ATG7: variants seen among roughly 807,000 people sequenced by gnomAD.
ATG7 encodes ubiquitin-like modifier-activating enzyme ATG7.
ATG7 carries 70 observed loss-of-function variants against 82.4 expected under a neutral mutation model. The observed-to-expected ratio is 0.85, with a 90% confidence interval of 0.70 to 1.04. ATG7 has a LOEUF of 1.04. ATG7 is among the 50% of genes least tolerant of loss of function. The probability of loss-of-function intolerance (pLI) is 0.00; values close to 1 mark genes in which losing one functional copy is unlikely to be tolerated. For synonymous variants in ATG7, 287 were observed against 313.0 expected (o/e 0.92, Z 0.88); for missense variants, 792 against 864.3 (o/e 0.92, Z 1.05).
intron 11 of ATG7, among the ~76,000 whole-genome samples, chr3:11,340,072 G>A (rs542881087): frequency 6.6e-6 from 1 of 152,294 alleles, no homozygotes; most frequent in Non-Finnish European, 1.5e-5. Context: ...TGCGGGGAAG[G>A]GAGAAGTCAG....
intron 19 of ATG7, among the ~76,000 whole-genome samples, chr3:11,384,062 G>A (rs1233866665): frequency 6.6e-6 from 1 of 152,190 alleles, no homozygotes; most frequent in Admixed American, 6.5e-5. Context: ...GAAGTATGTT[G>A]TATATTATGA....
rs1953763064 is a variant in ATG7, at chr3:11,342,259, A to G, written c.1105A>G (p.Asn369Asp). Residue 369 changes from asparagine to aspartate, a missense_variant, in exon 13 of 21, where the codon AAT (asparagine) becomes GAT (aspartate). Transcript: ENST00000693202. ...GCTTGGAGCCGGCACCTTGGGTTGCAATGTAGCTAGGACGTTGATGGTAAG... is the reference window on the plus strand; with the variant it reads ...GCTTGGAGCCGGCACCTTGGGTTGCGATGTAGCTAGGACGTTGATGGTAAG... ...LLLGAGTLGCNVARTLMGWGV... is the reference protein window; with the variant it reads ...LLLGAGTLGCDVARTLMGWGV... 1.2e-6 allele frequency: 2 copies of G among 1,613,426 alleles called. No homozygotes were observed. The highest frequency in any genetic ancestry group is 1.7e-6 in the Non-Finnish European group (2 of 1,179,912).
chr3:11,347,963 A>G lies in ATG7; in HGVS notation c.1212A>G (p.Glu404=), dbSNP rs747221881. The change falls in exon 14 of 21, where the codon GAA becomes GAG. Residue 404 remains glutamate, a synonymous_variant. Transcript: ENST00000693202. ...NPVRQPLYEF[E]DCLGGGKPKA... is the part of the protein sequence containing the mutation. ...TGAGGCAGCCTCTCTATGAGTTTGA[A>G]GATTGCCTAGGGGGTGGTAAGCCCA... is the stretch of plus-strand genomic sequence containing the variant. 1.2e-6 allele frequency: 2 copies of G among 1,614,184 alleles called. No individual in the cohort carries two copies. The highest frequency in any genetic ancestry group is 3.3e-5 in the Admixed American group (2 of 60,026).
the ATG7 span, among the ~76,000 whole-genome samples, chr3:11,570,370 G>T: frequency 6.6e-6 from 1 of 152,090 alleles, no homozygotes; most frequent in African/African-American, 2.4e-5. Flanking sequence ...CGGAGATGCC[G>T]GCCACCAAGG....
chr3:11,441,616 T>C (rs1167880896), intron 20 of ATG7, among the ~76,000 whole-genome samples: 3 of 151,830 alleles, frequency 2.0e-5, no homozygotes, highest in Non-Finnish European at 4.4e-5. Context: ...TACCCAAATA[T>C]TGGTTTATCT....
At chr3:11,308,933 A>C (rs374039584) in intron 6 of ATG7, 51 bp from the exon 7 acceptor site, 18 of 1,528,172 alleles carry the variant, frequency 1.2e-5, no homozygotes, top group Non-Finnish European at 1.6e-5. Flanking sequence ...TGAGAGTGAG[A>C]AACTCAGAGA....
intron 20 of ATG7, among the ~76,000 whole-genome samples, chr3:11,527,074 T>TATATAC (rs2092599345): frequency 9.9e-6 from 1 of 101,288 alleles, no homozygotes; most frequent in Non-Finnish European, 1.8e-5. Flanking sequence ...TGTGTGTGTA[T>TATATAC]ATATATATAT....
the ATG7 span, among the ~76,000 whole-genome samples, chr3:11,574,963 CT>C: frequency 5.3e-5 from 8 of 152,110 alleles, no homozygotes; most frequent in Non-Finnish European, 1.2e-4. Flanking sequence ...ATCCAAAACC[CT>C]TTTGGCTTGG....
chr3:11,276,586 A>G (rs1486110067), intron 1 of ATG7, among the ~76,000 whole-genome samples: 1 of 152,048 alleles, frequency 6.6e-6, no homozygotes, highest in African/African-American at 2.4e-5. Flanking sequence ...CCACTCCCCA[A>G]AGTCATCAGA....
chr3:11,435,832 T>A (rs996551420), intron 20 of ATG7, among the ~76,000 whole-genome samples: 1 of 152,198 alleles, frequency 6.6e-6, no homozygotes, highest in African/African-American at 2.4e-5. Context: ...ATCAAAATTT[T>A]AAATTTTGTG....
rs569262413 is a variant in ATG7 at position 11,455,326 on chromosome 3, C to T, written c.2079+28400C>T. Among the ~76,000 whole-genome samples the T allele has an allele frequency of 7.9e-5, 12 of 152,310 alleles. No homozygotes were observed. The South Asian group carries it at 2.3e-3, about 29-fold the overall frequency. On this transcript the variant is annotated intron_variant, in intron 20 of 20. Coordinates refer to ENST00000693202, the MANE Select transcript of ATG7 (RefSeq NM_001349232.2). The stretch of plus-strand genomic sequence containing the variant: ...ATGTCCTTACCCAGTAAGACTAGCA[C>T]TTGCCACCCAGAATGATGACAATTC...
chr3:11,273,768 TAGTG>T (rs1941049696), intron 1 of ATG7, among the ~76,000 whole-genome samples: 1 of 152,080 alleles, frequency 6.6e-6, no homozygotes, highest in South Asian at 2.1e-4. Context: ...CTTCTAATAA[TAGTG>T]GTGGTGGTGG....
At chr3:11,485,973 C>A (rs371374499) in intron 20 of ATG7, among the ~76,000 whole-genome samples, 1 of 152,084 alleles carries the variant, frequency 6.6e-6, no homozygotes, top group African/African-American at 2.4e-5. Context: ...AGTCAGGTAG[C>A]GTGATGCCTC....
chr3:11,400,247 T>C (rs757757078), intron 19 of ATG7, among the ~76,000 whole-genome samples: 3 of 152,188 alleles, frequency 2.0e-5, no homozygotes, highest in Non-Finnish European at 4.4e-5. Flanking sequence ...CTGAGTCCAA[T>C]GTAAGTTTTC....
At chr3:11,532,141 G>C (rs9860504) in intron 20 of ATG7, among the ~76,000 whole-genome samples, 1 of 152,048 alleles carries the variant, frequency 6.6e-6, no homozygotes, top group African/African-American at 2.4e-5. Flanking sequence ...TGCCCCCAAG[G>C]TTCCTAAGAG....
intron 20 of ATG7, among the ~76,000 whole-genome samples, chr3:11,489,109 A>T (rs542336105): frequency 6.6e-6 from 1 of 152,176 alleles, no homozygotes; most frequent in Non-Finnish European, 1.5e-5. Flanking sequence ...CAGAAATTCA[A>T]CTTCTTCCTG....
chr3:11,478,539 C>T (rs979243529), intron 20 of ATG7, among the ~76,000 whole-genome samples: 2 of 152,176 alleles, frequency 1.3e-5, no homozygotes, highest in African/African-American at 2.4e-5. Context: ...TAGCCACTAT[C>T]TCTGACTATT....
intron 20 of ATG7, among the ~76,000 whole-genome samples, chr3:11,435,446 C>A (rs757300884): frequency 6.6e-6 from 1 of 152,140 alleles, no homozygotes; most frequent in Non-Finnish European, 1.5e-5. Context: ...GTACAGCTTC[C>A]GAAGATGAGT....
At chr3:11,313,599 A>G (rs1948988175) in intron 8 of ATG7, among the ~76,000 whole-genome samples, 179 bp downstream of exon 8, 1 of 152,120 alleles carries the variant, frequency 6.6e-6, no homozygotes, top group South Asian at 2.1e-4. Flanking sequence ...ATTTTTTTGT[A>G]TATATATTTA....
Sources: gnomAD v4.1 joint callset for allele counts (sites outside exome capture counted in the v4.1 genomes callset) on GRCh38, gnomAD v4.1.1 for gene constraint, MANE v1.5 for transcripts, NCBI Gene and HGNC (gene_info 2026-07-23, HGNC 2026-07-21) for gene names.